OPCML: variants seen among roughly 807,000 people sequenced by gnomAD.
OPCML encodes opioid binding protein/cell adhesion molecule like, also known as opioid-binding protein/cell adhesion molecule.
Under a neutral mutation model 37.8 loss-of-function variants are expected in OPCML, and 13 were observed. The ratio of observed to expected loss-of-function variants is 0.34; its 90% CI spans 0.22 to 0.55. OPCML has a LOEUF of 0.55. OPCML is among the 20% of genes least tolerant of loss of function. OPCML has a pLI of 0.91. For synonymous variants in OPCML, 176 were observed against 168.8 expected, an observed-to-expected ratio of 1.04 and a Z score of -0.33; for missense variants, 341 against 435.6, an observed-to-expected ratio of 0.78 and a Z score of 1.93.
At chr11:132,727,699 AG>A (rs1028736863) in intron 2 of OPCML, among the ~76,000 whole-genome samples, 3 of 152,230 alleles carry the variant, frequency 2.0e-5, no homozygotes, top group African/African-American at 7.2e-5. Context: ...AAAACCTCCC[AG>A]GGGCTGGCAC....
intron 2 of OPCML, among the ~76,000 whole-genome samples, chr11:132,777,875 C>T (rs953208725): frequency 6.6e-6 from 1 of 152,196 alleles, no homozygotes; most frequent in Non-Finnish European, 1.5e-5. Flanking sequence ...TTCATTCCCA[C>T]ATAATGAGAT....
At chr11:133,444,247 G>A (rs1946425913) in intron 1 of OPCML, among the ~76,000 whole-genome samples, 1 of 152,196 alleles carries the variant, frequency 6.6e-6, no homozygotes. Context: ...TGGCCTTAGA[G>A]AGAGAAACAA....
intron 1 of OPCML, among the ~76,000 whole-genome samples, chr11:133,474,984 A>G (rs1283467214): frequency 1.3e-5 from 2 of 152,178 alleles, no homozygotes; most frequent in African/African-American, 4.8e-5. Flanking sequence ...CAAGCAGTGC[A>G]GGCACCTACC....
At chr11:133,062,434 G>A (rs925301267) in intron 1 of OPCML, among the ~76,000 whole-genome samples, 1 of 152,320 alleles carries the variant, frequency 6.6e-6, no homozygotes, top group Non-Finnish European at 1.5e-5. Flanking sequence ...AAATACTGCT[G>A]AGTAGTTTTC....
At chr11:133,269,808 C>T (rs1032287618) in intron 1 of OPCML, among the ~76,000 whole-genome samples, 2 of 152,152 alleles carry the variant, frequency 1.3e-5, no homozygotes, top group African/African-American at 4.8e-5. Context: ...AAGAATATCC[C>T]ATCATTTACT....
chr11:132,451,314 T>A (rs548615164), intron 4 of OPCML, among the ~76,000 whole-genome samples: 1 of 150,480 alleles, frequency 6.6e-6, no homozygotes, highest in South Asian at 2.1e-4. Context: ...AATCGGGTAT[T>A]AACTTTGTCG....
intron 1 of OPCML, among the ~76,000 whole-genome samples, chr11:133,471,631 C>T (rs57390318): frequency 0.015 from 2,323 of 151,980 alleles, 61 homozygotes; most frequent in African/African-American, 0.053. Flanking sequence ...TTAAAAAAAA[C>T]AAGAGTAAAA....
chr11:132,495,763 C>T (rs961945830), intron 4 of OPCML, among the ~76,000 whole-genome samples: 15 of 151,606 alleles, frequency 9.9e-5, no homozygotes, highest in African/African-American at 2.9e-4. Context: ...GGTGTAGTGG[C>T]GGGCGCCTGT....
At chr11:133,199,141 C>G (rs761340211) in intron 1 of OPCML, among the ~76,000 whole-genome samples, 3 of 152,008 alleles carry the variant, frequency 2.0e-5, no homozygotes, top group Non-Finnish European at 2.9e-5. Flanking sequence ...TTTGGGCAAA[C>G]CTAGGTCTTG....
At chr11:132,568,990 T>G (rs927305553) in intron 3 of OPCML, among the ~76,000 whole-genome samples, 7 of 152,250 alleles carry the variant, frequency 4.6e-5, no homozygotes, top group Non-Finnish European at 1.0e-4. Flanking sequence ...AAAGCCATTA[T>G]GGATCGCCAA....
chr11:132,520,041 T>C lies in OPCML; in HGVS notation c.505+9020A>G, dbSNP rs2096288955. On this transcript the variant is annotated intron_variant, in intron 4 of 7. Transcript: ENST00000524381. Reference sequence around the variant, plus strand: ...GCGGACAATGGCATGAATGTGGCTTTGATTTGGAGGCTGTGCTTTTGTTAG... The same window carrying C: ...GCGGACAATGGCATGAATGTGGCTTCGATTTGGAGGCTGTGCTTTTGTTAG... Among the ~76,000 whole-genome samples the C allele has an allele frequency of 2.0e-5, 3 of 152,260 alleles. No homozygotes were observed. The South Asian group carries it at 6.2e-4, about 32-fold the overall frequency.
chr11:132,466,429 A>G (rs2136935140), intron 4 of OPCML, among the ~76,000 whole-genome samples: 1 of 151,390 alleles, frequency 6.6e-6, no homozygotes, highest in Admixed American at 6.6e-5. Context: ...GCTTGCAGTG[A>G]GCCGAGATCA....
At chr11:133,257,252 A>T (rs2136447780) in intron 1 of OPCML, among the ~76,000 whole-genome samples, 1 of 152,360 alleles carries the variant, frequency 6.6e-6, no homozygotes, top group Admixed American at 6.5e-5. Context: ...AATGACCTAT[A>T]ATTTCAAAAC....
chr11:132,598,718 C>A (rs1461868931), intron 3 of OPCML, among the ~76,000 whole-genome samples: 1 of 152,154 alleles, frequency 6.6e-6, no homozygotes, highest in Non-Finnish European at 1.5e-5. Flanking sequence ...ATACAAATCA[C>A]TCCCTTACTG....
intron 1 of OPCML, among the ~76,000 whole-genome samples, chr11:133,504,516 A>G: frequency 6.6e-6 from 1 of 152,200 alleles, no homozygotes; most frequent in East Asian, 1.9e-4. Context: ...GCCATCAGTA[A>G]AAGACTGCCC....
At chr11:132,917,744 T>C (rs1944654748) in intron 2 of OPCML, among the ~76,000 whole-genome samples, 1 of 152,216 alleles carries the variant, frequency 6.6e-6, no homozygotes, top group Admixed American at 6.5e-5. Flanking sequence ...CTGATTTCCT[T>C]AACATGAAGT....
intron 1 of OPCML, chr11:133,025,900 A>G: frequency 5.4e-6 from 1 of 184,404 alleles, no homozygotes; most frequent in Non-Finnish European, 1.0e-5. Flanking sequence ...AGCCTGGCTA[A>G]TTTTTTGTAT....
In OPCML at chr11:132,626,900, T is replaced by C. The variant is rs528317709; in HGVS notation, c.379+30187A>G. The stretch of plus-strand genomic sequence containing the variant: ...CACATACATATACATATATGTTTTA[T>C]ATATATAAAACATATATAAAGCTTT... On this transcript the variant is annotated intron_variant, in intron 3 of 7. Coordinates refer to ENST00000524381, the MANE Select transcript of OPCML (RefSeq NM_001012393.5). Among the ~76,000 whole-genome samples the C allele has an allele frequency of 6.2e-3, 915 of 148,216 alleles. 7 individuals are homozygous for C. Among genetic ancestry groups the C allele is most frequent in the Middle Eastern group, 6.9e-3 (2 of 288 alleles).
At chr11:132,978,351 C>A (rs1302854029) in intron 1 of OPCML, among the ~76,000 whole-genome samples, 1 of 152,146 alleles carries the variant, frequency 6.6e-6, no homozygotes, top group African/African-American at 2.4e-5. Flanking sequence ...AACATAGTCC[C>A]CCTGATGTCA....
Sources: gnomAD v4.1 joint callset for allele counts (sites outside exome capture counted in the v4.1 genomes callset) on GRCh38, gnomAD v4.1.1 for gene constraint, MANE v1.5 for transcripts, NCBI Gene and HGNC (gene_info 2026-07-23, HGNC 2026-07-21) for gene names.